Variants in GLI2 observed in about 807,000 individuals in gnomAD.
GLI2 encodes the protein GLI family zinc finger 2.
In GLI2, 22 loss-of-function variants were observed where a neutral mutation model predicts 78.9. That is an observed-to-expected ratio of 0.28 (90% CI 0.20 to 0.40). GLI2 has a LOEUF of 0.40. Among genes scored for constraint, GLI2 ranks in the 10% least tolerant of loss-of-function variants. The pLI is 1.00. For missense variants in GLI2, 2,097 were observed against 2,213.2 expected (o/e 0.95, Z 1.05); for synonymous variants, 974 against 963.7 (o/e 1.01, Z -0.20).
chr2:120,989,940 C>G lies in GLI2; in HGVS notation c.3975C>G (p.Ser1325Arg), dbSNP rs1683206383. 6.2e-7 allele frequency: 1 copy of G among 1,611,282 alleles called. No individual in the cohort carries two copies. ...AGGAGGGCTACCACCAGGTCCCCAG[C>G]CTTCTGCCTGCCCGCCAGCCTGGCT... ...MSQEGYHQVP[S>R]LLPARQPGFM... is the part of the protein sequence containing the mutation. The change falls in exon 14 of 14, where the codon AGC becomes AGG. Residue 1325 changes from serine (S) to arginine (R), a missense_variant. Transcript: ENST00000361492.
At chr2:120,965,977 C>T (rs1208863848) in intron 5 of GLI2, among the ~76,000 whole-genome samples, 1 of 152,238 alleles carries the variant, frequency 6.6e-6, no homozygotes, top group African/African-American at 2.4e-5. Context: ...CACTGTAGCT[C>T]TGCTTACTAA....
chr2:120,815,033 T>G (rs17005235), intron 2 of GLI2, among the ~76,000 whole-genome samples: 4,731 of 151,708 alleles, frequency 0.031, 236 homozygotes, highest in African/African-American at 0.11. Context: ...CAGGGAGAGG[T>G]CGATGGTTCT....
At chr2:120,845,496 G>T (rs1014393625) in intron 2 of GLI2, among the ~76,000 whole-genome samples, 2 of 152,212 alleles carry the variant, frequency 1.3e-5, no homozygotes, top group Admixed American at 6.5e-5. Context: ...CTCACATGCT[G>T]CAGCTGCCAG....
chr2:120,825,919 C>T (rs1030952732), intron 2 of GLI2, among the ~76,000 whole-genome samples: 3 of 152,250 alleles, frequency 2.0e-5, no homozygotes, highest in Admixed American at 6.5e-5. Flanking sequence ...CTTGCACAAG[C>T]CTTGGCTGCT....
intron 1 of GLI2, among the ~76,000 whole-genome samples, chr2:120,789,281 C>T (rs982097538): frequency 6.6e-6 from 1 of 152,096 alleles, no homozygotes; most frequent in Non-Finnish European, 1.5e-5. Flanking sequence ...TCCTCAGCCT[C>T]CCAGAGTGCT....
Position 120,990,347 on chromosome 2 carries a change from CCTGTCAGGA to C in GLI2, c.4384_4392del (p.Cys1462_Asp1464del), listed in dbSNP as rs1481919809. On this transcript the variant is annotated inframe_deletion, in exon 14 of 14. Coordinates refer to ENST00000361492, the MANE Select transcript of GLI2 (RefSeq NM_001374353.1). Reference sequence around the variant, plus strand: ...CGGTCCCAGCCACCACAGCCACAGGCCTGTCAGGACAGCATCCAGCCCCAGCCCTTGCCC... The same window carrying C: ...CGGTCCCAGCCACCACAGCCACAGGCCAGCATCCAGCCCCAGCCCTTGCCC... 1 of 1,613,982 alleles carries C rather than the reference CCTGTCAGGA, an allele frequency of 6.2e-7. No homozygotes were observed.
At chr2:120,975,321 C>T (rs758455281) in intron 9 of GLI2, among the ~76,000 whole-genome samples, 98 of 151,898 alleles carry the variant, frequency 6.5e-4, no homozygotes, top group African/African-American at 2.3e-3. Flanking sequence ...GTAATACAAA[C>T]AATTAAAAGA....
chr2:120,962,085 T>C (rs1460938186), intron 5 of GLI2, among the ~76,000 whole-genome samples: 1 of 152,154 alleles, frequency 6.6e-6, no homozygotes, highest in East Asian at 1.9e-4. Context: ...ATATGTTGGT[T>C]GTCAGCCCAT....
intron 1 of GLI2, among the ~76,000 whole-genome samples, chr2:120,768,988 T>C (rs1182842803): frequency 9.9e-5 from 15 of 152,224 alleles, no homozygotes; most frequent in Admixed American, 9.8e-4. Flanking sequence ...AACCAGGAAC[T>C]TTGACAGCCT....
At chr2:120,878,672 C>T (rs908019482) in intron 2 of GLI2, among the ~76,000 whole-genome samples, 30 of 152,294 alleles carry the variant, frequency 2.0e-4, no homozygotes, top group African/African-American at 6.3e-4. Context: ...CGGTGGCTCA[C>T]GCCTGTAATC....
chr2:120,968,252 C>G (rs138980148), intron 5 of GLI2, among the ~76,000 whole-genome samples: 1 of 152,122 alleles, frequency 6.6e-6, no homozygotes, highest in Admixed American at 6.5e-5. Flanking sequence ...TAGCAGCTGC[C>G]CTTGGGCTGG....
intron 5 of GLI2, among the ~76,000 whole-genome samples, chr2:120,956,732 A>G (rs534141257): frequency 2.0e-5 from 3 of 152,106 alleles, no homozygotes; most frequent in African/African-American, 7.2e-5. Context: ...CTGCAGGGAG[A>G]CCGTCCTGCA....
chr2:120,851,690 C>T (rs559716044), intron 2 of GLI2, among the ~76,000 whole-genome samples: 17 of 152,314 alleles, frequency 1.1e-4, no homozygotes, highest in South Asian at 2.1e-4. Context: ...GAGTGCCAGC[C>T]GGGCATCAGG....
intron 5 of GLI2, among the ~76,000 whole-genome samples, chr2:120,967,901 A>G (rs1681938014): frequency 6.6e-6 from 1 of 152,198 alleles, no homozygotes; most frequent in South Asian, 2.1e-4. Flanking sequence ...GCTGCCCAGT[A>G]GGCTCTGGAG....
Position 120,843,873 on chromosome 2 carries a change from G to A in GLI2, c.148+46405G>A, listed in dbSNP as rs144465325. Among the ~76,000 whole-genome samples, 987 of 152,192 alleles carry A rather than the reference G, an allele frequency of 6.5e-3. 9 individuals are homozygous for A. The highest frequency in any genetic ancestry group is 0.023 in the African/African-American group (947 of 41,524). ...GTAGAGACAGGGTTTCACCATGTTGGCTAGGCTGGTCTCGAACTCCTGACC... is the reference window on the plus strand; with the variant it reads ...GTAGAGACAGGGTTTCACCATGTTGACTAGGCTGGTCTCGAACTCCTGACC... On this transcript the variant is annotated intron_variant, in intron 2 of 13. Coordinates refer to ENST00000361492, the MANE Select transcript of GLI2 (RefSeq NM_001374353.1).
chr2:120,931,044 G>GT (rs770803767), intron 3 of GLI2, among the ~76,000 whole-genome samples: 36 of 152,356 alleles, frequency 2.4e-4, no homozygotes, highest in Admixed American at 9.1e-4. Context: ...TCCTTCACTG[G>GT]TTGGATTCCT....
intron 3 of GLI2, among the ~76,000 whole-genome samples, chr2:120,930,810 T>C (rs1161827890): frequency 6.6e-6 from 1 of 152,218 alleles, no homozygotes; most frequent in Non-Finnish European, 1.5e-5. Context: ...AGTGCCGTCC[T>C]TCCCTGTGTA....
intron 2 of GLI2, among the ~76,000 whole-genome samples, chr2:120,826,981 G>A (rs922899567): frequency 2.0e-5 from 3 of 152,176 alleles, no homozygotes; most frequent in South Asian, 4.1e-4. Context: ...GACAAGTGGG[G>A]CTCCCACCAT....
intron 5 of GLI2, among the ~76,000 whole-genome samples, chr2:120,962,650 TAAATCACAGGAG>T (rs1681628087): frequency 1.3e-5 from 2 of 152,198 alleles, no homozygotes; most frequent in South Asian, 4.1e-4. Context: ...TTCCCGGTCA[TAAATCACAGGAG>T]AAACCATGGG....
Sources: allele counts gnomAD v4.1 joint callset (sites outside exome capture counted in the v4.1 genomes callset), GRCh38; gene constraint gnomAD v4.1.1; transcripts MANE v1.5; gene names NCBI Gene and HGNC (gene_info 2026-07-23, HGNC 2026-07-21).